Variants in PRRX1 observed in about 807,000 individuals in gnomAD.
The protein encoded by PRRX1 is paired mesoderm homeobox protein 1.
Under a neutral mutation model 24.0 loss-of-function variants are expected in PRRX1, and 8 were observed. The ratio of observed to expected loss-of-function variants is 0.33; its 90% confidence interval spans 0.20 to 0.60. The LOEUF (loss-of-function observed/expected upper bound fraction) is 0.60. Ranked by LOEUF, PRRX1 falls within the 20% of genes least tolerant of loss-of-function variation. The pLI, the probability that PRRX1 is intolerant of heterozygous loss-of-function variation, is 0.82. For missense variants in PRRX1, 281 were observed against 322.4 expected (o/e 0.87, Z 0.98); for synonymous variants, 160 against 131.7 (o/e 1.22, Z -1.47).
At chr1:170,682,029 G>A (rs1393656039) in intron 1 of PRRX1, among the ~76,000 whole-genome samples, 1 of 152,084 alleles carries the variant, frequency 6.6e-6, no homozygotes, top group Non-Finnish European at 1.5e-5. Context: ...TTTGTGATTA[G>A]GTTCCTAGGA....
At chr1:170,698,359 A>G (rs557687481) in intron 1 of PRRX1, among the ~76,000 whole-genome samples, 113 of 152,308 alleles carry the variant, frequency 7.4e-4, no homozygotes, top group Middle Eastern at 3.4e-3. Context: ...TGAGAAAAAC[A>G]CTTTTTAAAA....
chr1:170,699,226 C>A (rs72705060), intron 1 of PRRX1, among the ~76,000 whole-genome samples: 11,498 of 152,156 alleles, frequency 0.076, 618 homozygotes, highest in Non-Finnish European at 0.12. Flanking sequence ...CTCAGGCCGT[C>A]CGGCTGCCAA....
chr1:170,698,158 A>C (rs1654234690), intron 1 of PRRX1, among the ~76,000 whole-genome samples: 1 of 152,190 alleles, frequency 6.6e-6, no homozygotes, highest in South Asian at 2.1e-4. Flanking sequence ...AATATTGAAG[A>C]GAAAAATAAT....
At chr1:170,706,701 G>A (rs1191609096) in intron 1 of PRRX1, among the ~76,000 whole-genome samples, 1 of 152,144 alleles carries the variant, frequency 6.6e-6, no homozygotes, top group Non-Finnish European at 1.5e-5. Flanking sequence ...TTAGAGACAA[G>A]TTTTGATATA....
rs1652826122 is a variant in PRRX1 at position 170,664,151 on chromosome 1, C to T, written c.-68C>T. ...TCCCCACTCGGCTCCTCTCCCCCCT[C>T]GCGCCCACAGCGTTTGGTGTTGATT... On this transcript the variant is annotated 5_prime_UTR_variant, in exon 1 of 4. Transcript: ENST00000239461. 1.3e-6 allele frequency: 2 copies of T among 1,514,432 alleles called. No homozygotes were observed. The highest frequency in any genetic ancestry group is 1.4e-5 in the African/African-American group (1 of 72,340). The allele number at this position is 1,514,432 out of a possible 1,614,324, so 93.8% of individuals were successfully genotyped here.
At chr1:170,698,164 A>G (rs937374126) in intron 1 of PRRX1, among the ~76,000 whole-genome samples, 7 of 152,180 alleles carry the variant, frequency 4.6e-5, no homozygotes, top group Non-Finnish European at 8.8e-5. Flanking sequence ...GAAGAGAAAA[A>G]TAATCATCTG....
At chr1:170,725,774 G>A (rs1414112283) in intron 2 of PRRX1, among the ~76,000 whole-genome samples, 2 of 152,066 alleles carry the variant, frequency 1.3e-5, no homozygotes, top group African/African-American at 4.8e-5. Context: ...TGGGAGATGG[G>A]GAATTTTCTT....
At chr1:170,726,577 C>G in intron 3 of PRRX1, 176 bp downstream of exon 3, 2 of 760,492 alleles carry the variant, frequency 2.6e-6, no homozygotes, top group Non-Finnish European at 4.1e-6. Flanking sequence ...GCCCCAGCAG[C>G]AGGGTTTGGG....
At chr1:170,679,945 C>A (rs1223934080) in intron 1 of PRRX1, among the ~76,000 whole-genome samples, 1 of 152,058 alleles carries the variant, frequency 6.6e-6, no homozygotes, top group African/African-American at 2.4e-5. Flanking sequence ...GTTTACTTAT[C>A]TTTTTTATGG....
chr1:170,724,931 T>TTGTTTG (rs1320410103), intron 2 of PRRX1, among the ~76,000 whole-genome samples: 1 of 152,218 alleles, frequency 6.6e-6, no homozygotes, highest in Non-Finnish European at 1.5e-5. Context: ...GTTTTTCCAT[T>TTGTTTG]TGTTTGTGTC....
chr1:170,663,118 CTT>C, upstream of PRRX1: 1 of 151,686 alleles, frequency 6.6e-6, no homozygotes, highest in South Asian at 2.1e-4. Flanking sequence ...CTCCCTCTCC[CTT>C]TCTCTCTAAC....
At chr1:170,706,139 C>T (rs1395966976) in intron 1 of PRRX1, among the ~76,000 whole-genome samples, 2 of 152,130 alleles carry the variant, frequency 1.3e-5, no homozygotes, top group Non-Finnish European at 2.9e-5. Flanking sequence ...AATAAGCATT[C>T]ATGCAATGTT....
At chr1:170,669,448 A>AAAAAAAAAAAAAAAAAAAAAAAAAAC (rs1383569022) in intron 1 of PRRX1, 1 of 146,854 alleles carries the variant, frequency 6.8e-6, no homozygotes, top group African/African-American at 2.5e-5. Context: ...AAAAAAAAAA[A>AAAAAAAAAAAAAAAAAAAAAAAAAAC]AAAAAATTCA....
At chr1:170,666,346 A>G (rs1237437545) in intron 1 of PRRX1, among the ~76,000 whole-genome samples, 1 of 147,154 alleles carries the variant, frequency 6.8e-6, no homozygotes, top group Non-Finnish European at 1.5e-5. Context: ...TAAACCCGGG[A>G]AGCAGAGGTT....
At chr1:170,666,353 G>A (rs570992144) in intron 1 of PRRX1, among the ~76,000 whole-genome samples, 1 of 143,100 alleles carries the variant, frequency 7.0e-6, no homozygotes, top group South Asian at 2.3e-4. Context: ...GGGAAGCAGA[G>A]GTTGCAGTGA....
chr1:170,696,349 C>T (rs2101901481), intron 1 of PRRX1, among the ~76,000 whole-genome samples: 1 of 152,264 alleles, frequency 6.6e-6, no homozygotes, highest in African/African-American at 2.4e-5. Context: ...ATTTTACGTC[C>T]TACATTGCCT....
At chr1:170,715,659 C>T (rs1173310671) in intron 1 of PRRX1, among the ~76,000 whole-genome samples, 1 of 152,140 alleles carries the variant, frequency 6.6e-6, no homozygotes, top group African/African-American at 2.4e-5. Context: ...TAAAATAACC[C>T]TGCACTTATT....
intron 1 of PRRX1, among the ~76,000 whole-genome samples, chr1:170,695,810 C>A (rs1654147219): frequency 1.4e-5 from 2 of 143,406 alleles, no homozygotes; most frequent in African/African-American, 5.3e-5. Flanking sequence ...TCCTTCTTTT[C>A]TCTTTTCTCT....
chr1:170,723,995 A>T (rs975784894), intron 2 of PRRX1, among the ~76,000 whole-genome samples: 14 of 152,206 alleles, frequency 9.2e-5, no homozygotes, highest in African/African-American at 3.4e-4. Context: ...TGCTTCCTCA[A>T]CTGTAAAATA....
Sources: gnomAD v4.1 joint callset for allele counts (sites outside exome capture counted in the v4.1 genomes callset) on GRCh38, gnomAD v4.1.1 for gene constraint, MANE v1.5 for transcripts, NCBI Gene and HGNC (gene_info 2026-07-23, HGNC 2026-07-21) for gene names.